STX17: variants seen among roughly 807,000 people sequenced by gnomAD.
The protein encoded by STX17 is syntaxin-17.
In STX17, 29 loss-of-function variants were observed where a neutral mutation model predicts 35.9. That is an observed-to-expected ratio of 0.81 (90% CI 0.60 to 1.10). STX17 has a LOEUF of 1.10. Ranked by LOEUF, STX17 falls within the 50% of genes least tolerant of loss-of-function variation. STX17 has a pLI of 0.00. For synonymous variants in STX17, 92 were observed against 118.3 expected, an observed-to-expected ratio of 0.78 and a Z score of 1.44; for missense variants, 312 against 352.3, an observed-to-expected ratio of 0.89 and a Z score of 0.92.
intron 3 of STX17, among the ~76,000 whole-genome samples, chr9:99,936,172 A>G (rs1203041170): frequency 6.6e-6 from 1 of 152,190 alleles, no homozygotes; most frequent in Admixed American, 6.5e-5. Flanking sequence ...AGCTGCTATG[A>G]ACATTTGGGT....
chr9:99,951,764 A>C (rs897209054), intron 4 of STX17, among the ~76,000 whole-genome samples: 3 of 152,012 alleles, frequency 2.0e-5, no homozygotes, highest in Admixed American at 2.0e-4. Context: ...GTGATACTCT[A>C]AGAAACAGCC....
rs974925328 is a variant in STX17 at position 99,970,384 on chromosome 9, A to T, written c.*1711A>T. 1 of 152,210 alleles carries T rather than the reference A, an allele frequency of 6.6e-6. No individual in the cohort carries two copies. Among genetic ancestry groups the T allele is most frequent in the African/African-American group, 2.4e-5 (1 of 41,456 alleles). 9.4% of individuals were successfully genotyped at this position (152,210 alleles called of 1,614,324 possible). A position where few individuals can be genotyped will look rare whatever the true frequency, so the allele number is the denominator to read the frequency against. ...TTTATATCATTAACATATTAATAAT[A>T]CCAAGAAGGAAATACTTTGAATAAG... On this transcript the variant is annotated 3_prime_UTR_variant, in exon 8 of 8. Coordinates refer to ENST00000259400, the MANE Select transcript of STX17 (RefSeq NM_017919.3).
chr9:99,963,298 T>G (rs1829861486), intron 6 of STX17, among the ~76,000 whole-genome samples: 1 of 152,168 alleles, frequency 6.6e-6, no homozygotes, highest in South Asian at 2.1e-4. Context: ...ACTTTGTAAC[T>G]AGCCCTATTT....
At chr9:99,960,230 T>A in intron 6 of STX17, 75 bp downstream of exon 6, 1 of 1,396,388 alleles carries the variant, frequency 7.2e-7, no homozygotes, top group Non-Finnish European at 9.9e-7. Context: ...ACTAGGCTTT[T>A]AATTAGAATT....
At chr9:99,967,468 C>T in intron 6 of STX17, 185 bp from the exon 7 acceptor site, 1 of 374,686 alleles carries the variant, frequency 2.7e-6, no homozygotes, top group East Asian at 4.3e-5. Flanking sequence ...ATTAAGACCC[C>T]CCCCTTTTTT....
intron 1 of STX17, among the ~76,000 whole-genome samples, chr9:99,909,556 A>G (rs377389499): frequency 2.0e-5 from 3 of 152,366 alleles, no homozygotes; most frequent in African/African-American, 7.2e-5. Context: ...CAAATAATTG[A>G]TACATTTAAC....
At chr9:99,938,810 G>C in intron 3 of STX17, among the ~76,000 whole-genome samples, 1 of 149,600 alleles carries the variant, frequency 6.7e-6, no homozygotes, top group Admixed American at 6.7e-5. Flanking sequence ...GAGGGAGGGA[G>C]GGAGGGAAGG....
intron 3 of STX17, among the ~76,000 whole-genome samples, chr9:99,931,846 T>G (rs1452084703): frequency 1.2e-4 from 18 of 152,204 alleles, no homozygotes; most frequent in Admixed American, 1.2e-3. Context: ...CTTTTTCTTG[T>G]TCTCTTTTCC....
rs937608271 is a variant in STX17, at chr9:99,917,275, T to A, written c.123+1913T>A. On this transcript the variant is annotated intron_variant, in intron 2 of 7. Coordinates refer to ENST00000259400, the MANE Select transcript of STX17 (RefSeq NM_017919.3). ...CTTAATTATAAAAGTGACTTTTTTT[T>A]ATCTATATAGGATTGAATAGCTTAT... Among the ~76,000 whole-genome samples the A allele has an allele frequency of 8.5e-5, 13 of 152,292 alleles. No individual in the cohort carries two copies. In the East Asian group the frequency reaches 9.6e-4, roughly 11 times the overall value.
chr9:99,925,333 C>T (rs954857516), intron 2 of STX17, among the ~76,000 whole-genome samples: 8 of 152,064 alleles, frequency 5.3e-5, no homozygotes, highest in East Asian at 1.9e-4. Context: ...ACATTATCAG[C>T]CCCATTTGTT....
intron 3 of STX17, among the ~76,000 whole-genome samples, chr9:99,944,441 A>T (rs1829434645): frequency 6.6e-6 from 1 of 151,404 alleles, no homozygotes; most frequent in Admixed American, 6.6e-5. Flanking sequence ...ATGCAGTTAC[A>T]GCTATAAATT....
At chr9:99,962,343 A>G (rs531671699) in intron 6 of STX17, among the ~76,000 whole-genome samples, 8 of 152,302 alleles carry the variant, frequency 5.3e-5, no homozygotes, top group Admixed American at 4.6e-4. Flanking sequence ...AGAATCCCAA[A>G]ATATCTGTTG....
In STX17 at chr9:99,972,621, T is replaced by G. The variant is rs1488965650; in HGVS notation, c.*3948T>G. Among the ~76,000 whole-genome samples, 2 of 152,176 alleles carry G rather than the reference T, an allele frequency of 1.3e-5. No individual in the cohort carries two copies. Among genetic ancestry groups the G allele is most frequent in the Non-Finnish European group, 2.9e-5 (2 of 68,020 alleles). ...TGCCCTCCCTTAAGTGCTCTAAGAT[T>G]TTTGTACAGGAGTAAGAATCAAATA... On this transcript the variant is annotated 3_prime_UTR_variant, in exon 8 of 8. Coordinates refer to ENST00000259400, the MANE Select transcript of STX17 (RefSeq NM_017919.3).
At chr9:99,955,580 T>G (rs945182804) in intron 4 of STX17, among the ~76,000 whole-genome samples, 1 of 152,138 alleles carries the variant, frequency 6.6e-6, no homozygotes, top group East Asian at 1.9e-4. Flanking sequence ...TAGTGGAAAT[T>G]TTTTATATAC....
chr9:99,972,770 T>G lies in STX17; in HGVS notation c.*4097T>G, dbSNP rs1422952455. Among the ~76,000 whole-genome samples, 1 of 152,026 alleles carries G rather than the reference T, an allele frequency of 6.6e-6. No individual in the cohort carries two copies. Among genetic ancestry groups the G allele is most frequent in the Admixed American group, 6.6e-5 (1 of 15,266 alleles). On this transcript the variant is annotated 3_prime_UTR_variant, in exon 8 of 8. Transcript: ENST00000259400. ...TTGTGTTAACCTTAAATATGAAAGG[T>G]GTTTCTCAGGGTCCCCTTTGTCCTT...
intron 2 of STX17, among the ~76,000 whole-genome samples, chr9:99,924,645 T>C (rs1343365875): frequency 6.6e-6 from 1 of 152,188 alleles, no homozygotes; most frequent in African/African-American, 2.4e-5. Flanking sequence ...CCTTTTAATA[T>C]TATGTAGCTT....
intron 3 of STX17, among the ~76,000 whole-genome samples, chr9:99,932,876 A>G (rs1293296958): frequency 6.6e-6 from 1 of 152,172 alleles, no homozygotes; most frequent in Admixed American, 6.5e-5. Context: ...TTCTAGATTT[A>G]TCATCATTAG....
At chr9:99,906,976 C>T (rs1828562297) in intron 1 of STX17, 1 of 152,266 alleles carries the variant, frequency 6.6e-6, no homozygotes, top group African/African-American at 2.4e-5. Flanking sequence ...GGAAAAGTTT[C>T]CGGCGCGCGT....
At chr9:99,908,670 A>T (rs1197019730) in intron 1 of STX17, among the ~76,000 whole-genome samples, 1 of 152,010 alleles carries the variant, frequency 6.6e-6, no homozygotes, top group East Asian at 1.9e-4. Flanking sequence ...CCCCAGGCTC[A>T]TCTTGTGTTT....
Sources: gnomAD v4.1 joint callset for allele counts (sites outside exome capture counted in the v4.1 genomes callset) on GRCh38, gnomAD v4.1.1 for gene constraint, MANE v1.5 for transcripts, NCBI Gene and HGNC (gene_info 2026-07-23, HGNC 2026-07-21) for gene names.